Variants in NDST3 observed in about 807,000 individuals in gnomAD.
NDST3 encodes the protein bifunctional heparan sulfate N-deacetylase/N-sulfotransferase 3.
A neutral mutation model predicts 96.1 loss-of-function variants in NDST3; 58 were observed. That is an observed-to-expected ratio of 0.60 (90% CI 0.49 to 0.75). The LOEUF (loss-of-function observed/expected upper bound fraction) is 0.75, where lower values mean the gene tolerates loss of function less well. NDST3 is among the 30% of genes least tolerant of loss of function. The probability of loss-of-function intolerance (pLI) is 0.00; values close to 1 mark genes in which losing one functional copy is unlikely to be tolerated. For synonymous variants in NDST3, 333 were observed against 359.7 expected (o/e 0.93, Z 0.84); for missense variants, 788 against 1,034.2 (o/e 0.76, Z 3.27).
intron 6 of NDST3, among the ~76,000 whole-genome samples, chr4:118,181,550 A>T (rs1436378378): frequency 6.6e-6 from 1 of 152,186 alleles, no homozygotes; most frequent in African/African-American, 2.4e-5. Flanking sequence ...GAGAAGCAAG[A>T]TCCAATACAG....
At chr4:118,092,268 C>G (rs777257677) in intron 2 of NDST3, among the ~76,000 whole-genome samples, 30 of 150,988 alleles carry the variant, frequency 2.0e-4, no homozygotes, top group Non-Finnish European at 4.0e-4. Context: ...GGGAAAGGCA[C>G]TTGCCAAGGG....
At chr4:118,197,640 T>C (rs951462418) in intron 6 of NDST3, among the ~76,000 whole-genome samples, 1 of 152,136 alleles carries the variant, frequency 6.6e-6, no homozygotes, top group Non-Finnish European at 1.5e-5. Context: ...TCTGCTCTTT[T>C]TTGGTTTCCA....
rs924126414 is a variant in NDST3 at position 118,155,866 on chromosome 4, T to C, written c.1539+12182T>C. On this transcript the variant is annotated intron_variant, in intron 6 of 13. Coordinates refer to ENST00000296499, the MANE Select transcript of NDST3 (RefSeq NM_004784.3). ...CTCCATAGTTAAGAAAAATAGGAGTTTTTGGAATGGATATTATCTTAAAAT... is the reference window on the plus strand; with the variant it reads ...CTCCATAGTTAAGAAAAATAGGAGTCTTTGGAATGGATATTATCTTAAAAT... 2.0e-4 allele frequency among the ~76,000 whole-genome samples: 31 copies of C among 152,316 alleles called. 1 individual carries two copies. The Middle Eastern group carries it at 0.01, about 50-fold the overall frequency.
At chr4:118,132,125 C>A (rs550184506) in intron 4 of NDST3, among the ~76,000 whole-genome samples, 1 of 152,132 alleles carries the variant, frequency 6.6e-6, no homozygotes, top group Non-Finnish European at 1.5e-5. Flanking sequence ...GCAAAGCCAG[C>A]CAAGTTTGTG....
intron 9 of NDST3, among the ~76,000 whole-genome samples, chr4:118,235,187 G>A (rs1480210815): frequency 6.6e-6 from 1 of 152,124 alleles, no homozygotes; most frequent in African/African-American, 2.4e-5. Flanking sequence ...ACTTAAGGGA[G>A]GCAGGCATTT....
At chr4:118,166,510 A>G (rs756960820) in intron 6 of NDST3, among the ~76,000 whole-genome samples, 13 of 151,956 alleles carry the variant, frequency 8.6e-5, no homozygotes, top group Admixed American at 1.3e-4. Flanking sequence ...AAACTCTCCA[A>G]AAAAACGGAA....
intron 12 of NDST3, among the ~76,000 whole-genome samples, chr4:118,245,975 G>C (rs1053020205): frequency 2.0e-5 from 3 of 152,102 alleles, no homozygotes; most frequent in Non-Finnish European, 4.4e-5. Context: ...CTTCATATTG[G>C]CACAGGATGT....
intron 8 of NDST3, among the ~76,000 whole-genome samples, chr4:118,229,435 ATT>A (rs1477047797): frequency 1.3e-5 from 2 of 152,236 alleles, no homozygotes; most frequent in East Asian, 3.8e-4. Flanking sequence ...TGTGTCTATG[ATT>A]ATGTAGTTGA....
rs1725298478 is a variant in NDST3 at position 118,054,721 on chromosome 4, C to G, written c.811C>G (p.Leu271Val). The G allele has an allele frequency of 1.2e-6, 2 of 1,613,352 alleles. No homozygotes were observed. Among genetic ancestry groups the G allele is most frequent in the Non-Finnish European group, 8.5e-7 (1 of 1,179,500 alleles). ...LGLHDGIQRV[L>V]FGNNLNFWLH... ...GCTTCATGATGGAATTCAAAGGGTT[C>G]TTTTTGGCAACAACTTGAACTTTTG... Residue 271 changes from leucine to valine, a missense_variant, in exon 2 of 14, where the codon CTT (leucine) becomes GTT (valine). Around this residue, in one of 3 missense-constraint regions of NDST3, gnomAD observed 490 missense variants for 708.8 expected, o/e 0.69. Coordinates refer to ENST00000296499, the MANE Select transcript of NDST3 (RefSeq NM_004784.3).
At chr4:118,130,521 C>A (rs1732525143) in intron 4 of NDST3, among the ~76,000 whole-genome samples, 1 of 151,986 alleles carries the variant, frequency 6.6e-6, no homozygotes, top group South Asian at 2.1e-4. Context: ...CTGTTTATAT[C>A]TTGAAAAGTT....
rs148520736 is a variant in NDST3 at position 118,062,063 on chromosome 4, A to G, written c.981+7172A>G. On this transcript the variant is annotated intron_variant, in intron 2 of 13. Transcript: ENST00000296499. ...AAAACACAGTGATTGGCACAAGTGTAGACTACGGTCTGTTTACACCTCCAC... is the reference window on the plus strand; with the variant it reads ...AAAACACAGTGATTGGCACAAGTGTGGACTACGGTCTGTTTACACCTCCAC... Among the ~76,000 whole-genome samples the G allele has an allele frequency of 2.1e-3, 324 of 152,318 alleles. 4 individuals carry two copies. Among genetic ancestry groups the G allele is most frequent in the African/African-American group, 7.5e-3 (312 of 41,568 alleles).
Position 118,240,476 on chromosome 4 carries a change from T to A in NDST3, c.2119-48T>A. 1.4e-6 allele frequency: 2 copies of A among 1,449,872 alleles called. 1 individual carries two copies. The allele number at this position is 1,449,872 out of a possible 1,614,324, so 89.8% of individuals were successfully genotyped here. A position where few individuals can be genotyped will look rare whatever the true frequency, so the allele number is the denominator to read the frequency against. ...GTCACAAAGATTGATTTTTAATTAT[T>A]TATGCCTACGGTTCAGATTAGTTTA... is the stretch of plus-strand genomic sequence containing the variant. On this transcript the variant is annotated intron_variant, in intron 10 of 13. Transcript: ENST00000296499.
intron 2 of NDST3, among the ~76,000 whole-genome samples, chr4:118,098,602 G>C (rs1342098045): frequency 6.6e-6 from 1 of 152,002 alleles, no homozygotes; most frequent in East Asian, 1.9e-4. Flanking sequence ...TATAATGTAT[G>C]CTCAAGACCA....
At chr4:118,048,333 A>C (rs1724884937) in intron 1 of NDST3, among the ~76,000 whole-genome samples, 1 of 152,124 alleles carries the variant, frequency 6.6e-6, no homozygotes, top group African/African-American at 2.4e-5. Context: ...TCTTCATAAC[A>C]ACCAGCTAAC....
intron 6 of NDST3, among the ~76,000 whole-genome samples, chr4:118,155,149 TC>T (rs1380667436): frequency 1.3e-5 from 2 of 152,236 alleles, no homozygotes; most frequent in Admixed American, 1.3e-4. Flanking sequence ...CTTTTTGCTA[TC>T]CTCCATATTA....
intron 2 of NDST3, among the ~76,000 whole-genome samples, chr4:118,061,178 T>G (rs1725865023): frequency 6.6e-6 from 1 of 152,164 alleles, no homozygotes; most frequent in African/African-American, 2.4e-5. Context: ...ATCTTTGCTG[T>G]TCCTTGCTCC....
intron 6 of NDST3, among the ~76,000 whole-genome samples, chr4:118,174,495 C>G (rs1431744065): frequency 1.3e-5 from 2 of 152,124 alleles, no homozygotes; most frequent in East Asian, 1.9e-4. Context: ...TTCTGTACAG[C>G]TGGCTGGACT....
chr4:118,159,156 G>C (rs957814583), intron 6 of NDST3, among the ~76,000 whole-genome samples: 1 of 152,130 alleles, frequency 6.6e-6, no homozygotes, highest in Non-Finnish European at 1.5e-5. Context: ...GGGGCAGAAG[G>C]GTGGGTGGAT....
intron 6 of NDST3, among the ~76,000 whole-genome samples, chr4:118,184,343 G>A (rs1214879761): frequency 6.6e-6 from 1 of 151,972 alleles, no homozygotes; most frequent in Admixed American, 6.6e-5. Context: ...TATGAGTAAA[G>A]CAGATTACCC....
Sources: gnomAD v4.1 joint callset for allele counts (sites outside exome capture counted in the v4.1 genomes callset) on GRCh38, gnomAD v4.1.1 for gene constraint, gnomAD v4.1.1 regional missense constraint, MANE v1.5 for transcripts, NCBI Gene and HGNC (gene_info 2026-07-23, HGNC 2026-07-21) for gene names.